Variants in EXOC4 observed in about 807,000 individuals in gnomAD.
EXOC4 encodes SEC8-like 1.
In EXOC4, 71 loss-of-function variants were observed where a neutral mutation model predicts 107.2. The ratio of observed to expected loss-of-function variants is 0.66; its 90% CI spans 0.55 to 0.81. EXOC4 has a LOEUF of 0.81. Ranked by LOEUF, EXOC4 falls within the 30% of genes least tolerant of loss-of-function variation. The probability of loss-of-function intolerance (pLI) is 0.00; values close to 1 mark genes in which losing one functional copy is unlikely to be tolerated. For synonymous variants in EXOC4, 456 were observed against 441.2 expected (o/e 1.03, Z -0.42); for missense variants, 1,108 against 1,189.6 (o/e 0.93, Z 1.01).
intron 10 of EXOC4, among the ~76,000 whole-genome samples, chr7:133,704,762 A>G (rs1794732861): frequency 6.6e-6 from 1 of 152,218 alleles, no homozygotes; most frequent in Admixed American, 6.5e-5. Flanking sequence ...AGTGCTGAAT[A>G]AACTGTGTTG....
chr7:133,434,029 A>G (rs887888722), intron 7 of EXOC4, among the ~76,000 whole-genome samples: 4 of 152,220 alleles, frequency 2.6e-5, no homozygotes, highest in South Asian at 2.1e-4. Flanking sequence ...ATTCCATTTT[A>G]TCTTAAGAAA....
At chr7:133,809,135 T>G (rs1797154167) in intron 10 of EXOC4, among the ~76,000 whole-genome samples, 1 of 152,236 alleles carries the variant, frequency 6.6e-6, no homozygotes. Flanking sequence ...TACTGTTGTT[T>G]GCATTCTTTA....
chr7:133,914,300 C>T (rs1180043989), intron 12 of EXOC4, among the ~76,000 whole-genome samples: 1 of 152,052 alleles, frequency 6.6e-6, no homozygotes, highest in East Asian at 1.9e-4. Context: ...GAATTAAAAG[C>T]CAGAAACAGA....
chr7:133,979,485 C>T (rs1247816742), intron 14 of EXOC4, among the ~76,000 whole-genome samples: 1 of 152,034 alleles, frequency 6.6e-6, no homozygotes, highest in Non-Finnish European at 1.5e-5. Flanking sequence ...CTTTGAATTC[C>T]TAAAATAACC....
chr7:134,027,623 A>G (rs947356616), intron 17 of EXOC4, among the ~76,000 whole-genome samples: 1 of 140,820 alleles, frequency 7.1e-6, no homozygotes, highest in Non-Finnish European at 1.5e-5. Flanking sequence ...ACGCCACTGC[A>G]CTCCAGCCTG....
chr7:133,997,340 G>A (rs1794417785), intron 14 of EXOC4, 152 bp from the exon 15 acceptor site: 1 of 707,896 alleles, frequency 1.4e-6, no homozygotes, highest in Non-Finnish European at 2.3e-6. Flanking sequence ...ATCAAATATA[G>A]AAATTGTCTA....
intron 10 of EXOC4, among the ~76,000 whole-genome samples, chr7:133,785,470 G>C (rs887703413): frequency 1.3e-5 from 2 of 152,026 alleles, no homozygotes; most frequent in African/African-American, 2.4e-5. Flanking sequence ...GTAATATAGG[G>C]ATAGAGTGAA....
chr7:133,399,591 A>G (rs1289489182), intron 7 of EXOC4, among the ~76,000 whole-genome samples: 1 of 152,266 alleles, frequency 6.6e-6, no homozygotes, highest in Non-Finnish European at 1.5e-5. Flanking sequence ...TTACTGGGTT[A>G]AAATAACACT....
At chr7:133,551,887 G>T (rs1800595972) in intron 9 of EXOC4, 1 of 152,168 alleles carries the variant, frequency 6.6e-6, no homozygotes, top group Non-Finnish European at 1.5e-5. Context: ...TAATATAGCA[G>T]TAGTGTTTCT....
At chr7:133,675,554 A>G (rs541063468) in intron 10 of EXOC4, among the ~76,000 whole-genome samples, 9 of 152,210 alleles carry the variant, frequency 5.9e-5, no homozygotes, top group Non-Finnish European at 1.2e-4. Context: ...ATAGTTCTGT[A>G]TCAGGGAAGA....
At chr7:133,841,805 C>G (rs1798029528) in intron 11 of EXOC4, among the ~76,000 whole-genome samples, 1 of 152,148 alleles carries the variant, frequency 6.6e-6, no homozygotes, top group Non-Finnish European at 1.5e-5. Flanking sequence ...TCAGTCCTCA[C>G]CCTCTTCCCA....
chr7:133,958,780 G>T (rs755311627), intron 14 of EXOC4, among the ~76,000 whole-genome samples: 2 of 152,182 alleles, frequency 1.3e-5, no homozygotes, highest in Non-Finnish European at 2.9e-5. Flanking sequence ...GCTTCTATCA[G>T]AATTGCAGCT....
At chr7:133,615,329 G>A (rs1001405562) in intron 9 of EXOC4, among the ~76,000 whole-genome samples, 1 of 151,660 alleles carries the variant, frequency 6.6e-6, no homozygotes, top group African/African-American at 2.4e-5. Context: ...TTTTTATAAC[G>A]ATTGACTTTT....
At chr7:133,278,744 T>C (rs1201218727) in intron 2 of EXOC4, among the ~76,000 whole-genome samples, 1 of 152,114 alleles carries the variant, frequency 6.6e-6, no homozygotes, top group Admixed American at 6.5e-5. Context: ...AAGACATTGA[T>C]TTTAACTATC....
intron 9 of EXOC4, among the ~76,000 whole-genome samples, chr7:133,546,029 A>G (rs1448676099): frequency 6.6e-6 from 1 of 152,170 alleles, no homozygotes; most frequent in East Asian, 1.9e-4. Context: ...TCCAGAGGAG[A>G]GTGAGATGAT....
intron 7 of EXOC4, among the ~76,000 whole-genome samples, chr7:133,385,919 GA>G (rs1453571288): frequency 6.6e-6 from 1 of 152,130 alleles, no homozygotes; most frequent in Admixed American, 6.6e-5. Flanking sequence ...TTGTGTTGAG[GA>G]ATATGGCCAA....
intron 15 of EXOC4, among the ~76,000 whole-genome samples, chr7:134,003,303 G>C (rs1312660754): frequency 6.6e-6 from 1 of 152,124 alleles, no homozygotes; most frequent in Non-Finnish European, 1.5e-5. Flanking sequence ...AGTTGAGTAG[G>C]GATTGACTGC....
At chr7:133,948,212 T>C (rs960221830) in intron 14 of EXOC4, among the ~76,000 whole-genome samples, 3 of 152,196 alleles carry the variant, frequency 2.0e-5, no homozygotes, top group South Asian at 2.1e-4. Context: ...TGGCCTCTTA[T>C]CTAGAAAAAC....
chr7:133,773,694 G>A (rs1796290622), intron 10 of EXOC4, among the ~76,000 whole-genome samples: 1 of 151,780 alleles, frequency 6.6e-6, no homozygotes, highest in African/African-American at 2.4e-5. Context: ...ATAAATTTTT[G>A]GATGCACTGG....
Sources: gnomAD v4.1 joint callset for allele counts (sites outside exome capture counted in the v4.1 genomes callset) on GRCh38, gnomAD v4.1.1 for gene constraint, MANE v1.5 for transcripts, NCBI Gene and HGNC (gene_info 2026-07-23, HGNC 2026-07-21) for gene names.